SLAMF8: variants seen among roughly 807,000 people sequenced by gnomAD.
SLAMF8 encodes the protein B lymphocyte activator macrophage expressed.
A neutral mutation model predicts 29.0 loss-of-function variants in SLAMF8; 23 were observed. That is an observed-to-expected ratio of 0.79 (90% confidence interval 0.57 to 1.13). The LOEUF (loss-of-function observed/expected upper bound fraction) is 1.13. Among genes scored for constraint, SLAMF8 ranks in the 50% most tolerant of loss-of-function variants. The probability of loss-of-function intolerance (pLI) is 0.00; values close to 1 mark genes in which losing one functional copy is unlikely to be tolerated. For synonymous variants in SLAMF8, 139 were observed against 145.6 expected, an observed-to-expected ratio of 0.96 and a Z score of 0.32; for missense variants, 381 against 353.1, an observed-to-expected ratio of 1.08 and a Z score of -0.63.
In SLAMF8 at chr1:159,833,335, T is replaced by C; in HGVS notation, c.747T>C (p.Thr249=). The part of the protein sequence containing the change: ...VPVSLLLMLV[T]LFSAWHWCPC... ...TCTCGCTGCTCCTGATGCTGGTTAC[T>C]CTCTTCTCTGCCTGGCACTGGTGCC... Residue 249 remains threonine (T), a synonymous_variant, in exon 4 of 5, where the codon ACT becomes ACC. Coordinates refer to ENST00000289707, the MANE Select transcript of SLAMF8 (RefSeq NM_020125.3). 1 of 1,614,172 alleles carries C rather than the reference T, an allele frequency of 6.2e-7. No individual in the cohort carries two copies. The highest frequency in any genetic ancestry group is 1.1e-5 in the South Asian group (1 of 91,084).
intron 1 of SLAMF8, among the ~76,000 whole-genome samples, chr1:159,829,375 A>G (rs1278720913): frequency 6.6e-6 from 1 of 152,082 alleles, no homozygotes; most frequent in Non-Finnish European, 1.5e-5. Context: ...TACTCCTCAC[A>G]CAGAGAACTA....
chr1:159,829,619 G>A lies in SLAMF8; in HGVS notation c.41-247G>A, dbSNP rs140776641. On this transcript the variant is annotated intron_variant, in intron 1 of 4. Coordinates refer to ENST00000289707, the MANE Select transcript of SLAMF8 (RefSeq NM_020125.3). ...AGGGCATCTCATTTTTCCCTTCATG[G>A]TATTTAACAGAATTCATTTTTATTG... 4.0e-4 allele frequency among the ~76,000 whole-genome samples: 61 copies of A among 152,300 alleles called. No homozygotes were observed. In the East Asian group the frequency reaches 0.01, roughly 25 times the overall value.
chr1:159,832,391 TA>T (rs1220785640), intron 2 of SLAMF8, among the ~76,000 whole-genome samples: 1 of 152,220 alleles, frequency 6.6e-6, no homozygotes, highest in Admixed American at 6.5e-5. Flanking sequence ...CTGACTGACA[TA>T]TTGTGAGAGA....
At position 159,833,099 on chromosome 1, in the gene SLAMF8, G is replaced by A. The variant is rs1170530061; in HGVS notation, c.591G>A (p.Val197=). The A allele has an allele frequency of 3.1e-6, 5 of 1,614,058 alleles. No individual in the cohort carries two copies. Among genetic ancestry groups the A allele is most frequent in the Non-Finnish European group, 4.2e-6 (5 of 1,180,044 alleles). ...SISLGPGDRD[V]AYSCIVSNPV... ...CCCTGGGACCAGGAGACAGAGATGT[G>A]GCCTATTCCTGCATTGTCTCCAACC... Residue 197 remains valine, a synonymous_variant, in exon 3 of 5, where the codon GTG becomes GTA. Coordinates refer to ENST00000289707, the MANE Select transcript of SLAMF8 (RefSeq NM_020125.3).
At position 159,837,279 on chromosome 1, in the gene SLAMF8, C is replaced by T; in HGVS notation, c.*2019C>T. The T allele has an allele frequency of 1.3e-5, 13 of 985,416 alleles. No homozygotes were observed. The highest frequency in any genetic ancestry group is 1.6e-5 in the Non-Finnish European group (13 of 829,972). The allele number at this position is 985,416 out of a possible 1,614,324, so 61.0% of individuals were successfully genotyped here. ...CTTGTCAACTAGTGGACTAATTAAC[C>T]CTCCACCAAAAAAACACAAAGTGCT... On this transcript the variant is annotated 3_prime_UTR_variant, in exon 5 of 5. Transcript: ENST00000289707.
In SLAMF8 at chr1:159,832,895, G is replaced by A. The variant is rs1025659667; in HGVS notation, c.387G>A (p.Val129=). The change falls in exon 3 of 5, where the codon GTG becomes GTA. Residue 129 remains valine, a synonymous_variant. Coordinates refer to ENST00000289707, the MANE Select transcript of SLAMF8 (RefSeq NM_020125.3). ...TCCCAGATGCAGTGCCCAGGCCCGT[G>A]GTACAAGTGTTCATTGCTGTAGAAA... ...LKVYDAVPRP[V]VQVFIAVERD... The A allele has an allele frequency of 3.1e-6, 5 of 1,613,834 alleles. No homozygotes were observed. Among genetic ancestry groups the A allele is most frequent in the Non-Finnish European group, 4.2e-6 (5 of 1,179,818 alleles).
In SLAMF8 at chr1:159,836,426, A is replaced by G. The variant is rs1647941997; in HGVS notation, c.*1166A>G. The G allele has an allele frequency of 1.0e-6, 1 of 985,450 alleles. No homozygotes were observed. The highest frequency in any genetic ancestry group is 1.2e-6 in the Non-Finnish European group (1 of 829,936). The allele number at this position is 985,450 out of a possible 1,614,324, so 61.0% of individuals were successfully genotyped here. ...CTAGAAAAGCTCTGGAGTATTGATC[A>G]CTACTGGAAAAACACTTAAGGAGCT... On this transcript the variant is annotated 3_prime_UTR_variant, in exon 5 of 5. Transcript: ENST00000289707.
At chr1:159,828,687 G>A (rs1214193345) in intron 1 of SLAMF8, among the ~76,000 whole-genome samples, 1 of 152,192 alleles carries the variant, frequency 6.6e-6, no homozygotes, top group Admixed American at 6.5e-5. Context: ...AATAAGAATA[G>A]AGGGATAAGG....
rs558380986 is a variant in SLAMF8 at position 159,833,454 on chromosome 1, C to T, written c.781+85C>T. 1.1e-5 allele frequency: 18 copies of T among 1,591,164 alleles called. No homozygotes were observed. The African/African-American group carries it at 2.4e-4, about 21-fold the overall frequency. On this transcript the variant is annotated intron_variant, in intron 4 of 4. Coordinates refer to ENST00000289707, the MANE Select transcript of SLAMF8 (RefSeq NM_020125.3). Reference sequence around the variant, plus strand: ...GGTCTTGGACCTCCTCCTATTTAGGCTTCAGATGGTCTGCCCCTTCCTACC... The same window carrying T: ...GGTCTTGGACCTCCTCCTATTTAGGTTTCAGATGGTCTGCCCCTTCCTACC...
At chr1:159,833,865 G>C (rs1279002389) in intron 4 of SLAMF8, among the ~76,000 whole-genome samples, 1 of 152,198 alleles carries the variant, frequency 6.6e-6, no homozygotes, top group African/African-American at 2.4e-5. Flanking sequence ...GGGCATGTCA[G>C]TGGTTCCCAG....
At position 159,836,579 on chromosome 1, in the gene SLAMF8, G is replaced by A; in HGVS notation, c.*1319G>A. The A allele has an allele frequency of 1.0e-6, 1 of 985,420 alleles. No individual in the cohort carries two copies. The highest frequency in any genetic ancestry group is 1.7e-5 in the African/African-American group (1 of 57,342). 61.0% of individuals were successfully genotyped at this position (985,420 alleles called of 1,614,324 possible). A position where few individuals can be genotyped will look rare whatever the true frequency, so the allele number is the denominator to read the frequency against. On this transcript the variant is annotated 3_prime_UTR_variant, in exon 5 of 5. Coordinates refer to ENST00000289707, the MANE Select transcript of SLAMF8 (RefSeq NM_020125.3). ...AGGAAAGAGGTATTGAAGAAACAGG[G>A]GTGGGTTTGAAGTACTATTTTCCCA...
intron 2 of SLAMF8, among the ~76,000 whole-genome samples, chr1:159,831,203 G>A (rs1409956598): frequency 1.3e-5 from 2 of 152,204 alleles, no homozygotes; most frequent in Non-Finnish European, 2.9e-5. Flanking sequence ...TTTAGATAGA[G>A]TGGAAGAGAG....
Position 159,833,243 on chromosome 1 carries a change from C to A in SLAMF8, c.674-19C>A. 1 of 1,614,130 alleles carries A rather than the reference C, an allele frequency of 6.2e-7. No homozygotes were observed. The highest frequency in any genetic ancestry group is 8.5e-7 in the Non-Finnish European group (1 of 1,179,998). ...ATGAAGCATCAAGTCCACCTCTAAC[C>A]CCACCCCTCCATGTTCAGCACCAGG... On this transcript the variant is annotated intron_variant, in intron 3 of 4. Transcript: ENST00000289707.
chr1:159,827,985 C>T (rs1052613669), intron 1 of SLAMF8, among the ~76,000 whole-genome samples: 3 of 152,106 alleles, frequency 2.0e-5, no homozygotes, highest in Admixed American at 6.5e-5. Context: ...AGGTCACTGC[C>T]ACTAAACCCG....
intron 1 of SLAMF8, among the ~76,000 whole-genome samples, chr1:159,827,847 T>C (rs553028114): frequency 5.5e-4 from 83 of 152,232 alleles, no homozygotes; most frequent in African/African-American, 1.9e-3. Context: ...TTTTTTTTTT[T>C]TCTTTGAGAC....
intron 2 of SLAMF8, among the ~76,000 whole-genome samples, chr1:159,831,344 G>A (rs1647475120): frequency 6.6e-6 from 1 of 151,934 alleles, no homozygotes; most frequent in Non-Finnish European, 1.5e-5. Context: ...GGCTGTCCTT[G>A]GGCGAGCCAC....
At chr1:159,829,819 T>G (rs764969289) in intron 1 of SLAMF8, 47 bp from the exon 2 acceptor site, 2 of 1,545,474 alleles carry the variant, frequency 1.3e-6, no homozygotes, top group African/African-American at 1.4e-5. Flanking sequence ...CAAAGAAGGA[T>G]GAGGAGTGTG....
In SLAMF8 at chr1:159,830,018, C is replaced by T. The variant is rs10430458; in HGVS notation, c.193C>T (p.Arg65Ter). 1.1e-3 allele frequency: 1,731 copies of T among 1,614,210 alleles called. 33 individuals are homozygous for T. The East Asian group carries it at 0.031, about 29-fold the overall frequency. The change falls in exon 2 of 5, where the codon CGA becomes TGA. Residue 65 changes from arginine (R) to a stop codon, truncating the protein, a stop_gained. Coordinates refer to ENST00000289707, the MANE Select transcript of SLAMF8 (RefSeq NM_020125.3). LOFTEE classifies it high-confidence loss of function. ...PSEELLATFF[R>*]GSLETLYHSR... ...AGAAGAGCTCCTGGCCACGTTTTTC[C>T]GAGGCTCCCTGGAGACTCTGTACCA... is the stretch of plus-strand genomic sequence containing the variant.
Position 159,833,369 on chromosome 1 carries a change from G to C in SLAMF8, c.781G>C (p.Gly261Arg). The change falls in exon 4 of 5, where the codon GGG (glycine) becomes CGG (arginine). Residue 261 changes from glycine to arginine, a missense_variant and splice_region_variant. Gly to Arg is a moderately radical substitution (Grantham distance 125, BLOSUM62 -2). Coordinates refer to ENST00000289707, the MANE Select transcript of SLAMF8 (RefSeq NM_020125.3). Reference sequence around the variant, plus strand: ...TGCCTGGCACTGGTGCCCCTGCTCAGGTAGGAGTCCTGCAGGTGCAGGAGG... The same window carrying C: ...TGCCTGGCACTGGTGCCCCTGCTCACGTAGGAGTCCTGCAGGTGCAGGAGG... Reference protein sequence around the residue: ...FSAWHWCPCSGKKKKDVHADR... With the variant: ...FSAWHWCPCSRKKKKDVHADR... 6.2e-7 allele frequency: 1 copy of C among 1,614,086 alleles called. No individual in the cohort carries two copies. Among genetic ancestry groups the C allele is most frequent in the South Asian group, 1.1e-5 (1 of 91,090 alleles).
Sources: gnomAD v4.1 joint callset for allele counts (sites outside exome capture counted in the v4.1 genomes callset) on GRCh38, gnomAD v4.1.1 for gene constraint, MANE v1.5 for transcripts, NCBI Gene and HGNC (gene_info 2026-07-23, HGNC 2026-07-21) for gene names.